The following PARD3B variants were observed in gnomAD, a reference collection of about 807,000 sequenced individuals.
PARD3B encodes partitioning defective 3 homolog B.
In PARD3B, 103 loss-of-function variants were observed where a neutral mutation model predicts 130.2. That is an observed-to-expected ratio of 0.79 (90% CI 0.67 to 0.93). The LOEUF (loss-of-function observed/expected upper bound fraction) is 0.93. Among genes scored for constraint, PARD3B ranks in the 40% least tolerant of loss-of-function variants. The pLI is 0.00. For missense variants in PARD3B, 1,609 were observed against 1,499.2 expected (o/e 1.07, Z -1.21); for synonymous variants, 583 against 553.2 (o/e 1.05, Z -0.76).
intron 2 of PARD3B, among the ~76,000 whole-genome samples, chr2:204,883,513 A>G (rs1219356050): frequency 1.4e-5 from 2 of 140,410 alleles, no homozygotes; most frequent in Non-Finnish European, 3.0e-5. Context: ...CAGTGGCCCA[A>G]TCTCGCTCGC....
In PARD3B at chr2:205,142,827, G is replaced by A. The variant is rs1400802001; in HGVS notation, c.1435-15895G>A. 4.6e-5 allele frequency among the ~76,000 whole-genome samples: 7 copies of A among 151,956 alleles called. No homozygotes were observed. Among genetic ancestry groups the A allele is most frequent in the Non-Finnish European group, 8.8e-5 (6 of 67,996 alleles). On this transcript the variant is annotated intron_variant, in intron 10 of 22. Coordinates refer to ENST00000406610, the MANE Select transcript of PARD3B (RefSeq NM_001302769.2). The surrounding 1 kb of genome is among the most constrained non-coding windows in gnomAD (Gnocchi z 4.3). ...CGGGAGGCAGAGGTTGCAGTGAGCC[G>A]AGATCACGCCATTGCACTCCAGCCT...
At chr2:205,200,217 C>T (rs114243959) in intron 15 of PARD3B, among the ~76,000 whole-genome samples, 27 of 152,276 alleles carry the variant, frequency 1.8e-4, no homozygotes, top group African/African-American at 6.5e-4. Flanking sequence ...ATTAATGTCT[C>T]ATTGTCACCT....
intron 1 of PARD3B, among the ~76,000 whole-genome samples, chr2:204,577,545 G>C (rs1053690729): frequency 6.6e-6 from 1 of 152,058 alleles, no homozygotes; most frequent in Admixed American, 6.6e-5. Context: ...CATTGCCCCG[G>C]TTTTTAAAGG....
Position 205,408,673 on chromosome 2 carries a change from A to G in PARD3B, c.2741+7550A>G, listed in dbSNP as rs1182059478. Among the ~76,000 whole-genome samples, 16 of 152,184 alleles carry G rather than the reference A, an allele frequency of 1.1e-4. 1 individual carries two copies. Among genetic ancestry groups the G allele is most frequent in the Admixed American group, 1.0e-3 (16 of 15,262 alleles). ...GAAGGTTGATTTCTTTAATTTGCCAAGCAATTCTCAATAATTAATTATTTA... is the reference window on the plus strand; with the variant it reads ...GAAGGTTGATTTCTTTAATTTGCCAGGCAATTCTCAATAATTAATTATTTA... On this transcript the variant is annotated intron_variant, in intron 19 of 22. Transcript: ENST00000406610.
At chr2:205,284,229 T>G (rs2041300896) in intron 16 of PARD3B, among the ~76,000 whole-genome samples, 6 of 152,246 alleles carry the variant, frequency 3.9e-5, no homozygotes, top group Admixed American at 3.9e-4. Flanking sequence ...TTAATTCTGT[T>G]ACTTCATGAG....
Position 204,675,890 on chromosome 2 carries a change from G to A in PARD3B, c.121-10291G>A, listed in dbSNP as rs2125219800. ...CTGGAATTGTTGGTGCTTTTATATT[G>A]CAATTATTTTGTTTAGAATTATACA... On this transcript the variant is annotated intron_variant, in intron 1 of 22. Transcript: ENST00000406610. The surrounding 1 kb of genome is among the most constrained non-coding windows in gnomAD (Gnocchi z 4.4). Among the ~76,000 whole-genome samples the A allele has an allele frequency of 6.6e-6, 1 of 152,226 alleles. No individual in the cohort carries two copies. Among genetic ancestry groups the A allele is most frequent in the Admixed American group, 6.5e-5 (1 of 15,294 alleles).
chr2:205,211,573 T>C (rs561443565), intron 15 of PARD3B, among the ~76,000 whole-genome samples: 1 of 152,000 alleles, frequency 6.6e-6, no homozygotes, highest in Non-Finnish European at 1.5e-5. Flanking sequence ...AGATATCCAG[T>C]AGGACAAACA....
At chr2:204,622,371 C>A (rs1455097074) in intron 1 of PARD3B, among the ~76,000 whole-genome samples, 2 of 152,252 alleles carry the variant, frequency 1.3e-5, no homozygotes, top group East Asian at 3.9e-4. Flanking sequence ...CCCTCATTGT[C>A]CGTGTATGGC....
At chr2:204,989,888 C>A (rs889136378) in intron 3 of PARD3B, among the ~76,000 whole-genome samples, 1 of 151,998 alleles carries the variant, frequency 6.6e-6, no homozygotes, top group African/African-American at 2.4e-5. Flanking sequence ...CTATAAACCA[C>A]CTTCTTCACA....
rs1273083340 is a variant in PARD3B, at chr2:204,675,163, A to G, written c.121-11018A>G. ...ATAATGGAAAACAGGATTTTTAAAA[A>G]ATCAGCTGTTTTCTTTAAAATTACT... On this transcript the variant is annotated intron_variant, in intron 1 of 22. Transcript: ENST00000406610. This position sits in a 1 kb window ranked among gnomAD's most constrained non-coding sequence, Gnocchi z 4.4. Among the ~76,000 whole-genome samples, 1 of 152,100 alleles carries G rather than the reference A, an allele frequency of 6.6e-6. No individual in the cohort carries two copies. The highest frequency in any genetic ancestry group is 1.5e-5 in the Non-Finnish European group (1 of 68,012).
chr2:204,963,888 C>G (rs745472598), intron 2 of PARD3B, among the ~76,000 whole-genome samples: 3 of 152,134 alleles, frequency 2.0e-5, no homozygotes, highest in Non-Finnish European at 4.4e-5. Context: ...AAAGAAGTCT[C>G]CATACTGGAA....
chr2:204,573,549 A>G (rs2032105622), intron 1 of PARD3B, among the ~76,000 whole-genome samples: 2 of 152,162 alleles, frequency 1.3e-5, no homozygotes, highest in Admixed American at 6.5e-5. Context: ...GGATGTGTCC[A>G]TACAACTTCC....
At chr2:204,999,516 C>T (rs939396991) in intron 3 of PARD3B, among the ~76,000 whole-genome samples, 8 of 152,122 alleles carry the variant, frequency 5.3e-5, no homozygotes, top group African/African-American at 1.9e-4. Context: ...TTTTCAGTTT[C>T]ACCTGATACC....
At chr2:205,217,224 A>G (rs2125861832) in intron 15 of PARD3B, among the ~76,000 whole-genome samples, 1 of 152,306 alleles carries the variant, frequency 6.6e-6, no homozygotes, top group South Asian at 2.1e-4. Flanking sequence ...GTCAAGCTAC[A>G]TGTCTGCCAT....
intron 21 of PARD3B, among the ~76,000 whole-genome samples, chr2:205,510,896 T>C (rs1016952969): frequency 3.3e-5 from 5 of 152,234 alleles, no homozygotes; most frequent in Non-Finnish European, 5.9e-5. Context: ...TAGATATCTT[T>C]AATCCAGTTT....
chr2:205,074,490 T>C (rs141034743), intron 4 of PARD3B, among the ~76,000 whole-genome samples: 10 of 152,278 alleles, frequency 6.6e-5, no homozygotes, highest in African/African-American at 2.4e-4. Context: ...GCCTGTTGCA[T>C]TCAGAATGAA....
chr2:204,700,996 T>C (rs2037864295), intron 2 of PARD3B, among the ~76,000 whole-genome samples: 1 of 152,098 alleles, frequency 6.6e-6, no homozygotes, highest in Non-Finnish European at 1.5e-5. Context: ...GTAGTCATTA[T>C]TAAAAGTTGG....
At chr2:204,787,509 C>A (rs950346520) in intron 2 of PARD3B, among the ~76,000 whole-genome samples, 1 of 152,166 alleles carries the variant, frequency 6.6e-6, no homozygotes, top group Non-Finnish European at 1.5e-5. Flanking sequence ...TTTATCTAGT[C>A]ATACTTGATC....
At chr2:204,838,485 G>T (rs375107869) in intron 2 of PARD3B, among the ~76,000 whole-genome samples, 4 of 151,928 alleles carry the variant, frequency 2.6e-5, no homozygotes, top group African/African-American at 7.3e-5. Flanking sequence ...AAACTGTTGG[G>T]ATTACAGACA....
Sources: allele counts gnomAD v4.1 joint callset (sites outside exome capture counted in the v4.1 genomes callset), GRCh38; gene constraint gnomAD v4.1.1; non-coding constraint Gnocchi (gnomAD v3.1); transcripts MANE v1.5; gene names NCBI Gene and HGNC (gene_info 2026-07-23, HGNC 2026-07-21).